The following TLR6 variants were observed in gnomAD, a reference collection of about 807,000 sequenced individuals.
The protein encoded by TLR6 is toll-like receptor 6.
In TLR6, 9 loss-of-function variants were observed where a neutral mutation model predicts 16.1. The ratio of observed to expected loss-of-function variants is 0.56; its 90% CI spans 0.34 to 0.98. The LOEUF (loss-of-function observed/expected upper bound fraction) is 0.98. Ranked by LOEUF, TLR6 falls within the 50% of genes least tolerant of loss-of-function variation. TLR6 has a pLI of 0.02. For synonymous variants in TLR6, 340 were observed against 338.6 expected (o/e 1.00, Z -0.04); for missense variants, 786 against 921.0 (o/e 0.85, Z 1.90).
chr4:38,863,582 C>T, the TLR6 span, among the ~76,000 whole-genome samples: 5 of 152,204 alleles, frequency 3.3e-5, no homozygotes, highest in Non-Finnish European at 5.9e-5. Flanking sequence ...TCTACTCTTC[C>T]AGTAGTGCAG....
At chr4:38,862,590 ATT>A in the TLR6 span, among the ~76,000 whole-genome samples, 140 of 73,700 alleles carry the variant, frequency 1.9e-3, no homozygotes, top group African/African-American at 6.5e-3. Context: ...CCCAATCACC[ATT>A]TTTTTTTTTT....
At chr4:38,865,030 A>G in the TLR6 span, among the ~76,000 whole-genome samples, 1 of 152,126 alleles carries the variant, frequency 6.6e-6, no homozygotes, top group Admixed American at 6.5e-5. Flanking sequence ...AGAAAGAAAT[A>G]TGGGTGGGAG....
exon 2 of TLR6, chr4:38,827,129 T>C (rs1015645663): frequency 6.2e-7 from 1 of 1,606,128 alleles, no homozygotes; most frequent in Admixed American, 1.7e-5. Context: ...TAATTTCATA[T>C]TAAAAGCGGC....
chr4:38,827,139 C>G, exon 2 of TLR6: 2 of 1,613,554 alleles, frequency 1.2e-6, no homozygotes, highest in Non-Finnish European at 1.7e-6. Flanking sequence ...TTAAAAGCGG[C>G]TCTAATGTTA....
At chr4:38,838,859 A>G (rs1265836232) in intron 1 of TLR6, among the ~76,000 whole-genome samples, 2 of 143,096 alleles carry the variant, frequency 1.4e-5, no homozygotes, top group Non-Finnish European at 1.5e-5. Flanking sequence ...ATAAATATGT[A>G]TAATTATTTT....
intron 1 of TLR6, among the ~76,000 whole-genome samples, chr4:38,834,703 G>A (rs552918301): frequency 7.2e-5 from 11 of 152,250 alleles, no homozygotes; most frequent in Non-Finnish European, 1.3e-4. Flanking sequence ...AGATTTTTCA[G>A]CAGAAACTAT....
At chr4:38,848,308 G>A (rs1457484196) in intron 1 of TLR6, among the ~76,000 whole-genome samples, 1 of 152,186 alleles carries the variant, frequency 6.6e-6, no homozygotes, top group Non-Finnish European at 1.5e-5. Flanking sequence ...AAGACCAAAG[G>A]TGGATAAAAC....
chr4:38,841,233 C>T (rs59711150), intron 1 of TLR6, among the ~76,000 whole-genome samples: 4,854 of 152,166 alleles, frequency 0.032, 230 homozygotes, highest in African/African-American at 0.09. Context: ...GCAACGTTGA[C>T]TCCATAAAAG....
intron 1 of TLR6, among the ~76,000 whole-genome samples, chr4:38,838,903 AGAAG>A (rs1329298680): frequency 1.5e-5 from 2 of 130,402 alleles, no homozygotes; most frequent in African/African-American, 3.0e-5. Flanking sequence ...AGAGAAAAAG[AGAAG>A]GAAGGAAGGG....
intron 1 of TLR6, among the ~76,000 whole-genome samples, chr4:38,840,465 C>T (rs1712200234): frequency 6.6e-6 from 1 of 151,882 alleles, no homozygotes; most frequent in African/African-American, 2.4e-5. Context: ...AACCCCGTCT[C>T]TACTAAAAAA....
At chr4:38,860,163 T>C (rs1192594740), upstream of TLR6, among the ~76,000 whole-genome samples, 1 of 152,124 alleles carries the variant, frequency 6.6e-6, no homozygotes, top group African/African-American at 2.4e-5. Flanking sequence ...AAGATACACA[T>C]ACGACAGAGA....
intron 1 of TLR6, among the ~76,000 whole-genome samples, chr4:38,854,314 C>G (rs1712881618): frequency 6.6e-6 from 1 of 152,070 alleles, no homozygotes; most frequent in Admixed American, 6.6e-5. Context: ...CTATGATGGA[C>G]CAGCCATTAG....
At chr4:38,848,608 T>C (rs1470619102) in intron 1 of TLR6, among the ~76,000 whole-genome samples, 1 of 152,210 alleles carries the variant, frequency 6.6e-6, no homozygotes, top group African/African-American at 2.4e-5. Context: ...CTGAAAACCA[T>C]GGCACTAGAA....
At chr4:38,829,379 T>C in exon 2 of TLR6, 1 of 1,614,140 alleles carries the variant, frequency 6.2e-7, no homozygotes, top group Non-Finnish European at 8.5e-7. Flanking sequence ...TGCAAATTCA[T>C]TTCCGTCGGA....
At position 38,836,939 on chromosome 4, in the gene TLR6, C is replaced by CA. The variant is rs61331167; in HGVS notation, c.-64-7403dup. Among the ~76,000 whole-genome samples, 588 of 92,400 alleles carry CA rather than the reference C, an allele frequency of 6.4e-3. 4 individuals are homozygous for CA. The highest frequency in any genetic ancestry group is 0.018 in the African/African-American group (439 of 24,402). The allele number at this position is 92,400 out of a possible 152,430, so 60.6% of individuals were successfully genotyped here. On this transcript the variant is annotated intron_variant, in intron 1 of 1. Transcript: ENST00000436693. ...TGGGTGACAGAGTGAGACTCAGTCTCAAAAAAAAAAAAAAAGAAAAAAGAA... is the reference window on the plus strand; with the variant it reads ...TGGGTGACAGAGTGAGACTCAGTCTCAAAAAAAAAAAAAAAAGAAAAAAGAA...
At chr4:38,865,433 C>A in the TLR6 span, among the ~76,000 whole-genome samples, 3 of 152,084 alleles carry the variant, frequency 2.0e-5, no homozygotes, top group South Asian at 2.1e-4. Flanking sequence ...GCTTTATTTT[C>A]TTTATTGGAT....
intron 1 of TLR6, among the ~76,000 whole-genome samples, chr4:38,835,092 C>G (rs1429003380): frequency 6.6e-6 from 1 of 152,062 alleles, no homozygotes; most frequent in African/African-American, 2.4e-5. Context: ...AAACAATAAG[C>G]CAAATGACAG....
intron 1 of TLR6, among the ~76,000 whole-genome samples, chr4:38,843,451 A>G (rs1483377682): frequency 2.0e-5 from 3 of 152,376 alleles, no homozygotes; most frequent in Non-Finnish European, 2.9e-5. Context: ...TATACTGGAA[A>G]TAGTAAAACA....
At chr4:38,826,838 A>G in exon 2 of TLR6, 1 of 341,612 alleles carries the variant, frequency 2.9e-6, no homozygotes, top group South Asian at 5.8e-5. Flanking sequence ...AAAACTGAGC[A>G]TTTACTCAAA....
Sources: gnomAD v4.1 joint callset for allele counts (sites outside exome capture counted in the v4.1 genomes callset) on GRCh38, gnomAD v4.1.1 for gene constraint, MANE v1.5 for transcripts, NCBI Gene and HGNC (gene_info 2026-07-23, HGNC 2026-07-21) for gene names.